Variants in TAFA2 observed in about 807,000 individuals in gnomAD.
TAFA2 encodes the protein TAFA chemokine like family member 2.
A neutral mutation model predicts 18.8 loss-of-function variants in TAFA2; 7 were observed. The observed-to-expected ratio is 0.37, with a 90% CI of 0.21 to 0.70. TAFA2 has a LOEUF of 0.70. TAFA2 is among the 30% of genes least tolerant of loss of function. TAFA2 has a pLI of 0.53. For missense variants in TAFA2, 122 were observed against 158.1 expected (o/e 0.77, Z 1.23); for synonymous variants, 60 against 54.2 (o/e 1.11, Z -0.47).
intron 1 of TAFA2, among the ~76,000 whole-genome samples, chr12:62,150,881 C>T (rs1165429017): frequency 6.6e-6 from 1 of 151,450 alleles, no homozygotes; most frequent in Non-Finnish European, 1.5e-5. Flanking sequence ...CACAGTGAGA[C>T]CCTGTCCAAA....
intron 1 of TAFA2, among the ~76,000 whole-genome samples, chr12:62,070,256 A>G (rs576923537): frequency 6.6e-6 from 1 of 152,270 alleles, no homozygotes; most frequent in Admixed American, 6.5e-5. Flanking sequence ...TTTTAAGCAA[A>G]CCCCAAGTAA....
At position 61,930,011 on chromosome 12, in the gene TAFA2, G is replaced by C. The variant is rs542328898; in HGVS notation, c.-1-62585C>G. On this transcript the variant is annotated intron_variant, in intron 1 of 4. Transcript: ENST00000416284. ...CACACTCTGGGGACTGTTGTGGGGT[G>C]GGGGTAGGGGGGAGGGATAGCATTA... 1.2e-3 allele frequency among the ~76,000 whole-genome samples: 175 copies of C among 147,688 alleles called. 1 individual carries two copies. The highest frequency in any genetic ancestry group is 4.4e-3 in the African/African-American group (166 of 37,580).
At chr12:62,239,227 T>C (rs996898611) in intron 1 of TAFA2, among the ~76,000 whole-genome samples, 2 of 152,214 alleles carry the variant, frequency 1.3e-5, no homozygotes, top group African/African-American at 4.8e-5. Context: ...CTGATTATAT[T>C]TTCTAAAGGT....
chr12:61,777,573 A>C (rs978961418), intron 2 of TAFA2, among the ~76,000 whole-genome samples: 1 of 151,822 alleles, frequency 6.6e-6, no homozygotes, highest in Admixed American at 6.6e-5. Context: ...AAGAGTCAAT[A>C]GAACACATAA....
At chr12:61,823,558 A>C (rs1872409393) in intron 2 of TAFA2, among the ~76,000 whole-genome samples, 1 of 152,108 alleles carries the variant, frequency 6.6e-6, no homozygotes, top group African/African-American at 2.4e-5. Context: ...CAAATCAGTA[A>C]AATAAGTAGT....
intron 4 of TAFA2, chr12:61,720,970 T>C (rs1275940713): frequency 5.8e-6 from 3 of 514,938 alleles, no homozygotes; most frequent in Non-Finnish European, 1.2e-5. Context: ...TAACAGATTA[T>C]TACAGAAAGC....
chr12:61,758,533 A>T (rs1254513024), intron 2 of TAFA2, among the ~76,000 whole-genome samples: 1 of 151,982 alleles, frequency 6.6e-6, no homozygotes, highest in Non-Finnish European at 1.5e-5. Flanking sequence ...ATGTGAGTGG[A>T]TTCGGTGGTG....
chr12:61,738,118 T>C (rs991888831), intron 4 of TAFA2, among the ~76,000 whole-genome samples: 4 of 152,022 alleles, frequency 2.6e-5, no homozygotes, highest in Admixed American at 2.0e-4. Context: ...AGTTTCTACT[T>C]GGTGTTTTGT....
Position 61,756,417 on chromosome 12 carries a change from T to C in TAFA2, c.107-1393A>G, listed in dbSNP as rs527735358. On this transcript the variant is annotated intron_variant, in intron 2 of 4. Transcript: ENST00000416284. ...TGCTCTGGGTGAATATTTTCTTAGC[T>C]AAGAATGAGTCCATTTGTTTTAATT... 2.6e-5 allele frequency among the ~76,000 whole-genome samples: 4 copies of C among 152,222 alleles called. No homozygotes were observed. The South Asian group carries it at 8.3e-4, about 32-fold the overall frequency.
rs1869234830 is a variant in TAFA2, at chr12:61,708,286, C to T, written c.*2120G>A. 1 of 151,916 alleles carries T rather than the reference C, an allele frequency of 6.6e-6. No homozygotes were observed. The highest frequency in any genetic ancestry group is 2.4e-5 in the African/African-American group (1 of 41,392). 9.4% of individuals were successfully genotyped at this position (151,916 alleles called of 1,614,324 possible). A position where few individuals can be genotyped will look rare whatever the true frequency, so the allele number is the denominator to read the frequency against. On this transcript the variant is annotated 3_prime_UTR_variant, in exon 5 of 5. Coordinates refer to ENST00000416284, the MANE Select transcript of TAFA2 (RefSeq NM_178539.5). Reference sequence around the variant, plus strand: ...TATGAAAGAGAGTCCATTTTATATCCCAATTTTATTCACCTTTTCTGAATA... The same window carrying T: ...TATGAAAGAGAGTCCATTTTATATCTCAATTTTATTCACCTTTTCTGAATA...
chr12:61,758,836 G>T (rs1869397580), intron 2 of TAFA2, among the ~76,000 whole-genome samples: 1 of 152,010 alleles, frequency 6.6e-6, no homozygotes. Flanking sequence ...GGGAACCAGG[G>T]ATGTGAGTCA....
chr12:61,878,005 T>C (rs1477853721), intron 1 of TAFA2: 11 of 450,848 alleles, frequency 2.4e-5, no homozygotes, highest in African/African-American at 6.0e-5. Context: ...AATTACAACA[T>C]AGATGAATTT....
chr12:61,883,932 C>T (rs1011463890), intron 1 of TAFA2, among the ~76,000 whole-genome samples: 6 of 152,168 alleles, frequency 3.9e-5, no homozygotes, highest in Non-Finnish European at 8.8e-5. Context: ...TTGATTGTTG[C>T]ATTAGATAAC....
chr12:61,993,650 A>G (rs965568377), intron 1 of TAFA2, among the ~76,000 whole-genome samples: 1 of 152,188 alleles, frequency 6.6e-6, no homozygotes, highest in African/African-American at 2.4e-5. Context: ...TGCTCAGACT[A>G]AAGTCTCATA....
chr12:62,234,326 T>C, intron 1 of TAFA2: 1 of 499,864 alleles, frequency 2.0e-6, no homozygotes, highest in Non-Finnish European at 3.8e-6. Flanking sequence ...GAAGACTGCC[T>C]CTCCTCTGAG....
chr12:61,956,792 C>T (rs1040584815), intron 1 of TAFA2, among the ~76,000 whole-genome samples: 1 of 152,116 alleles, frequency 6.6e-6, no homozygotes, highest in African/African-American at 2.4e-5. Flanking sequence ...CATTTCAGAA[C>T]AGCATGAGAT....
intron 1 of TAFA2, among the ~76,000 whole-genome samples, chr12:61,876,333 G>A (rs1218602017): frequency 6.6e-6 from 1 of 152,122 alleles, no homozygotes; most frequent in Non-Finnish European, 1.5e-5. Flanking sequence ...AAGTGAGTGA[G>A]AACAACGAAA....
At chr12:61,923,383 G>A (rs182645173) in intron 1 of TAFA2, among the ~76,000 whole-genome samples, 2 of 152,296 alleles carry the variant, frequency 1.3e-5, no homozygotes, top group East Asian at 1.9e-4. Flanking sequence ...ATGAAAGTTC[G>A]AGAGGAAGGA....
chr12:61,925,396 A>G (rs1323433587), intron 1 of TAFA2, among the ~76,000 whole-genome samples: 4 of 152,220 alleles, frequency 2.6e-5, no homozygotes, highest in Non-Finnish European at 5.9e-5. Flanking sequence ...CTCCCAAACC[A>G]CAGTGCAATC....
Sources: allele counts gnomAD v4.1 joint callset (sites outside exome capture counted in the v4.1 genomes callset), GRCh38; gene constraint gnomAD v4.1.1; transcripts MANE v1.5; gene names NCBI Gene and HGNC (gene_info 2026-07-23, HGNC 2026-07-21).